PKIB: variants seen among roughly 807,000 people sequenced by gnomAD.
PKIB encodes cAMP-dependent protein kinase inhibitor beta, also known as PKI-beta.
Under a neutral mutation model 4.5 loss-of-function variants are expected in PKIB, and 2 were observed. That is an observed-to-expected ratio of 0.44 (90% CI 0.18 to 1.39). PKIB has a LOEUF of 1.39. PKIB is among the 40% of genes most tolerant of loss of function. The pLI, the probability that PKIB is intolerant of heterozygous loss-of-function variation, is 0.27. For missense variants in PKIB, 94 were observed against 92.6 expected (o/e 1.02, Z -0.06); for synonymous variants, 38 against 36.0 (o/e 1.06, Z -0.20).
upstream of PKIB, among the ~76,000 whole-genome samples, chr6:122,609,046 ATAAC>A (rs34735919): frequency 0.21 from 31,275 of 151,978 alleles, 3,815 homozygotes; most frequent in Non-Finnish European, 0.28. Flanking sequence ...AATGATATAA[ATAAC>A]TCTCAGTCTC....
At chr6:122,472,623 A>G (rs533591867) in intron 1 of PKIB, among the ~76,000 whole-genome samples, 2 of 152,298 alleles carry the variant, frequency 1.3e-5, no homozygotes, top group East Asian at 1.9e-4. Flanking sequence ...AGTCATTCCC[A>G]TAACTAATAA....
At chr6:122,635,144 T>C (rs1162436550) in intron 2 of PKIB, among the ~76,000 whole-genome samples, 1 of 152,024 alleles carries the variant, frequency 6.6e-6, no homozygotes, top group Admixed American at 6.6e-5. Context: ...AATAATTTAT[T>C]GGGTCTATAT....
At chr6:122,579,640 A>G (rs1582711792) in intron 2 of PKIB, among the ~76,000 whole-genome samples, 1 of 152,146 alleles carries the variant, frequency 6.6e-6, no homozygotes, top group South Asian at 2.1e-4. Flanking sequence ...AAAATTTGAG[A>G]TGTATCAGTT....
upstream of PKIB, among the ~76,000 whole-genome samples, chr6:122,605,890 T>C (rs1010496405): frequency 6.6e-6 from 1 of 152,222 alleles, no homozygotes; most frequent in Non-Finnish European, 1.5e-5. Context: ...CATATTATTG[T>C]AGTTATCTTT....
chr6:122,556,168 G>A (rs941615259), intron 2 of PKIB, among the ~76,000 whole-genome samples: 1 of 152,112 alleles, frequency 6.6e-6, no homozygotes, highest in African/African-American at 2.4e-5. Context: ...TTTATAAAGG[G>A]CTTTTCCTGC....
At chr6:122,708,524 T>G (rs13218313) in intron 3 of PKIB, among the ~76,000 whole-genome samples, 26,631 of 152,086 alleles carry the variant, frequency 0.18, 2,816 homozygotes, top group Non-Finnish European at 0.23. Flanking sequence ...ACTTGTATGG[T>G]TCAGATGTTG....
intron 2 of PKIB, among the ~76,000 whole-genome samples, chr6:122,664,001 A>G (rs957112164): frequency 6.6e-6 from 1 of 152,176 alleles, no homozygotes; most frequent in Admixed American, 6.5e-5. Context: ...ACTTCCTTCA[A>G]AAAATTTATT....
intron 3 of PKIB, among the ~76,000 whole-genome samples, chr6:122,683,147 A>G (rs912685689): frequency 6.6e-6 from 1 of 152,180 alleles, no homozygotes; most frequent in African/African-American, 2.4e-5. Flanking sequence ...CAGTTATGGA[A>G]TTCAGAGCCT....
chr6:122,643,750 G>A (rs1776205326), intron 2 of PKIB: 3 of 152,106 alleles, frequency 2.0e-5, no homozygotes, highest in South Asian at 2.1e-4. Flanking sequence ...AAGTGTAAAT[G>A]TATGGTTTTT....
chr6:122,724,792 G>A (rs181415452), intron 4 of PKIB, among the ~76,000 whole-genome samples: 10 of 152,242 alleles, frequency 6.6e-5, no homozygotes, highest in African/African-American at 2.4e-4. Context: ...GAGTCAGTTG[G>A]CCCAAGCTCA....
chr6:122,583,983 T>C, intron 2 of PKIB, among the ~76,000 whole-genome samples: 1 of 152,060 alleles, frequency 6.6e-6, no homozygotes, highest in Non-Finnish European at 1.5e-5. Flanking sequence ...TGGGAAGTCA[T>C]AGAAGAATGA....
chr6:122,489,833 A>G (rs994581677), intron 2 of PKIB, among the ~76,000 whole-genome samples: 3 of 152,224 alleles, frequency 2.0e-5, no homozygotes, highest in Non-Finnish European at 4.4e-5. Flanking sequence ...AACGGTCACA[A>G]AAAAGGAATA....
intron 2 of PKIB, among the ~76,000 whole-genome samples, chr6:122,547,816 G>A (rs907441914): frequency 5.3e-5 from 8 of 152,168 alleles, no homozygotes; most frequent in African/African-American, 1.9e-4. Context: ...TCCGAGCCAG[G>A]TGATGAGCCT....
chr6:122,645,095 T>G (rs886852701), intron 2 of PKIB, among the ~76,000 whole-genome samples: 1 of 152,242 alleles, frequency 6.6e-6, no homozygotes, highest in South Asian at 2.1e-4. Context: ...CAGTTCTTTA[T>G]TGGCAGTGAA....
At chr6:122,501,967 T>A (rs936650777) in intron 2 of PKIB, among the ~76,000 whole-genome samples, 5 of 151,458 alleles carry the variant, frequency 3.3e-5, no homozygotes, top group Non-Finnish European at 7.4e-5. Context: ...TTTTATTTTT[T>A]TCGAGATGGA....
At chr6:122,599,014 C>T (rs1774268540) in intron 3 of PKIB, among the ~76,000 whole-genome samples, 1 of 152,124 alleles carries the variant, frequency 6.6e-6, no homozygotes, top group Non-Finnish European at 1.5e-5. Context: ...AGTGCACCTC[C>T]TCATGGGTCA....
intron 3 of PKIB, among the ~76,000 whole-genome samples, chr6:122,708,471 C>T (rs1436195487): frequency 6.6e-6 from 1 of 152,086 alleles, no homozygotes; most frequent in African/African-American, 2.4e-5. Flanking sequence ...GAGAAATCTT[C>T]CTATGGGCAG....
chr6:122,500,292 ATTCT>A (rs1219165322), intron 2 of PKIB, among the ~76,000 whole-genome samples: 1 of 148,444 alleles, frequency 6.7e-6, no homozygotes, highest in Non-Finnish European at 1.5e-5. Flanking sequence ...ATTATATCAC[ATTCT>A]TTTTTTTTAT....
At chr6:122,705,148 A>G (rs896892117) in intron 3 of PKIB, among the ~76,000 whole-genome samples, 2 of 152,138 alleles carry the variant, frequency 1.3e-5, no homozygotes, top group Non-Finnish European at 2.9e-5. Flanking sequence ...AACAAGATCT[A>G]TTGTTTCCAT....
Sources: allele counts gnomAD v4.1 joint callset (sites outside exome capture counted in the v4.1 genomes callset), GRCh38; gene constraint gnomAD v4.1.1; transcripts MANE v1.5; gene names NCBI Gene and HGNC (gene_info 2026-07-23, HGNC 2026-07-21).